The following RYR2 variants were observed in gnomAD, a reference collection of about 807,000 sequenced individuals.
The protein encoded by RYR2 is ryanodine receptor 2.
In RYR2, 227 loss-of-function variants were observed where a neutral mutation model predicts 601.1. The ratio of observed to expected loss-of-function variants is 0.38; its 90% CI spans 0.34 to 0.42. The LOEUF (loss-of-function observed/expected upper bound fraction) is 0.42. RYR2 is among the 10% of genes least tolerant of loss of function. The pLI, the probability that RYR2 is intolerant of heterozygous loss-of-function variation, is 1.00. For missense variants in RYR2, 4,646 were observed against 6,156.5 expected, an observed-to-expected ratio of 0.75 and a Z score of 8.21; for synonymous variants, 2,223 against 2,175.1, an observed-to-expected ratio of 1.02 and a Z score of -0.61.
At chr1:237,178,670 A>G (rs1440896276) in intron 1 of RYR2, among the ~76,000 whole-genome samples, 1 of 152,086 alleles carries the variant, frequency 6.6e-6, no homozygotes, top group East Asian at 1.9e-4. Context: ...TTATCTAGGC[A>G]TGGTGGCTTG....
chr1:237,107,255 C>CT (rs1668785083), intron 1 of RYR2, among the ~76,000 whole-genome samples: 1 of 151,990 alleles, frequency 6.6e-6, no homozygotes, highest in Non-Finnish European at 1.5e-5. Context: ...GGAGTTCTTG[C>CT]TTAATAGAAA....
chr1:237,160,411 T>A (rs1675874717), intron 1 of RYR2, among the ~76,000 whole-genome samples: 1 of 152,218 alleles, frequency 6.6e-6, no homozygotes, highest in Non-Finnish European at 1.5e-5. Flanking sequence ...TGATCAATAG[T>A]ATCAAGTGAT....
chr1:237,565,223 CTTT>C (rs1457814809), intron 27 of RYR2, among the ~76,000 whole-genome samples: 4 of 113,394 alleles, frequency 3.5e-5, no homozygotes, highest in Non-Finnish European at 7.2e-5. Flanking sequence ...TTCTTTCTTT[CTTT>C]TGTCTTTCTT....
chr1:237,790,060 G>C (rs1334295176), intron 92 of RYR2, among the ~76,000 whole-genome samples: 1 of 152,164 alleles, frequency 6.6e-6, no homozygotes, highest in Non-Finnish European at 1.5e-5. Context: ...TTTTGATGTA[G>C]CTTTATTATG....
intron 1 of RYR2, among the ~76,000 whole-genome samples, chr1:237,068,681 A>G (rs1186609461): frequency 6.6e-6 from 1 of 152,144 alleles, no homozygotes; most frequent in Non-Finnish European, 1.5e-5. Context: ...TTCCTCAAAA[A>G]AGTCTTTACT....
chr1:237,353,864 T>A (rs1029426462), intron 3 of RYR2, among the ~76,000 whole-genome samples: 12 of 152,196 alleles, frequency 7.9e-5, no homozygotes, highest in African/African-American at 2.9e-4. Context: ...GTCTTATATG[T>A]TTTATGGGTT....
chr1:237,072,310 G>T (rs1159396739), intron 1 of RYR2, among the ~76,000 whole-genome samples: 1 of 152,226 alleles, frequency 6.6e-6, no homozygotes, highest in Non-Finnish European at 1.5e-5. Context: ...ACTGAACCCG[G>T]CCTGTGCAGC....
chr1:237,148,079 G>A (rs939394046), intron 1 of RYR2, among the ~76,000 whole-genome samples: 2 of 152,106 alleles, frequency 1.3e-5, no homozygotes, highest in African/African-American at 2.4e-5. Context: ...ACCGCATGTC[G>A]TGTCACACAT....
Position 237,634,991 on chromosome 1 carries a change from A to C in RYR2, c.6791A>C (p.Lys2264Thr). Residue 2264 changes from lysine to threonine, a missense_variant and splice_region_variant, in exon 44 of 105, where the codon AAG becomes ACG. Lys to Thr is a moderately conservative substitution (Grantham distance 78, BLOSUM62 -1). Around this residue, in one of 17 missense-constraint regions of RYR2, gnomAD observed 137 missense variants for 273.6 expected, o/e 0.50. Transcript: ENST00000366574. ...ALALREPDLE[K>T]VVRYLAGCGL... ...GCTCTGCGTGAGCCGGATCTAGAAA[A>C]GGTGAGCAATGTTCCTGCCCTGTGT... The C allele has an allele frequency of 1.3e-6, 2 of 1,584,346 alleles. No individual in the cohort carries two copies. Among genetic ancestry groups the C allele is most frequent in the Non-Finnish European group, 1.7e-6 (2 of 1,163,124 alleles).
At chr1:237,666,061 C>G (rs1684302252) in intron 56 of RYR2, among the ~76,000 whole-genome samples, 1 of 152,114 alleles carries the variant, frequency 6.6e-6, no homozygotes, top group South Asian at 2.1e-4. Flanking sequence ...TTGCTGAATA[C>G]TATATGATAT....
chr1:237,570,883 C>A (rs1672613322), intron 29 of RYR2, among the ~76,000 whole-genome samples: 1 of 152,150 alleles, frequency 6.6e-6, no homozygotes, highest in Admixed American at 6.5e-5. Flanking sequence ...AATCCCAGCA[C>A]TTTGGGAAGC....
chr1:237,114,517 C>T (rs1214871331), intron 1 of RYR2, among the ~76,000 whole-genome samples: 1 of 152,162 alleles, frequency 6.6e-6, no homozygotes, highest in African/African-American at 2.4e-5. Context: ...CACTTTAGAG[C>T]TTGGACCCTG....
intron 1 of RYR2, 59 bp downstream of exon 1, chr1:237,042,628 C>T: frequency 8.0e-7 from 1 of 1,243,152 alleles, no homozygotes; most frequent in Non-Finnish European, 1.0e-6. Flanking sequence ...CATCCACTAG[C>T]GGGGTCCGGG....
At position 237,380,417 on chromosome 1, in the gene RYR2, TA is replaced by T. The variant is rs1701404002; in HGVS notation, c.576+2983del. ...ATATATATATATATATATATATATA[TA>T]TATAGTAAATACGAAGTCTGGTGAG... On this transcript the variant is annotated intron_variant, in intron 8 of 104. Coordinates refer to ENST00000366574, the MANE Select transcript of RYR2 (RefSeq NM_001035.3). 7.7e-4 allele frequency among the ~76,000 whole-genome samples: 37 copies of T among 48,342 alleles called. 2 individuals are homozygous for T. Among genetic ancestry groups the T allele is most frequent in the African/African-American group, 2.5e-3 (35 of 14,034 alleles). The allele number at this position is 48,342 out of a possible 152,430, so 31.7% of individuals were successfully genotyped here.
Position 237,149,287 on chromosome 1 carries a change from C to T in RYR2, c.48+106718C>T, listed in dbSNP as rs187074546. Among the ~76,000 whole-genome samples the T allele has an allele frequency of 4.2e-3, 632 of 150,444 alleles. 5 individuals carry two copies. The highest frequency in any genetic ancestry group is 0.025 in the South Asian group (118 of 4,754). ...TAGCCTGAGCAACATGCTGAGACCC[C>T]GTCTCTACAAAAAACAAACAAAAAC... On this transcript the variant is annotated intron_variant, in intron 1 of 104. Coordinates refer to ENST00000366574, the MANE Select transcript of RYR2 (RefSeq NM_001035.3).
At chr1:237,672,157 G>A (rs1048309691) in intron 58 of RYR2, among the ~76,000 whole-genome samples, 1 of 152,196 alleles carries the variant, frequency 6.6e-6, no homozygotes, top group African/African-American at 2.4e-5. Context: ...TCACCTGGCA[G>A]GCTTTCAGAT....
intron 3 of RYR2, among the ~76,000 whole-genome samples, chr1:237,344,189 T>A (rs1401316797): frequency 6.6e-6 from 1 of 152,204 alleles, no homozygotes; most frequent in African/African-American, 2.4e-5. Context: ...TATGTGCAGC[T>A]GGGTGAATCC....
At chr1:237,090,202 A>G (rs1376862416) in intron 1 of RYR2, among the ~76,000 whole-genome samples, 1 of 152,186 alleles carries the variant, frequency 6.6e-6, no homozygotes, top group African/African-American at 2.4e-5. Context: ...TATGGGAACT[A>G]CAATTCAAGG....
chr1:237,064,457 C>T (rs1265487455), intron 1 of RYR2, among the ~76,000 whole-genome samples: 1 of 152,014 alleles, frequency 6.6e-6, no homozygotes, highest in South Asian at 2.1e-4. Context: ...GTTTCTCTTT[C>T]CTTTTCTTCC....
Sources: gnomAD v4.1 joint callset for allele counts (sites outside exome capture counted in the v4.1 genomes callset) on GRCh38, gnomAD v4.1.1 for gene constraint, gnomAD v4.1.1 regional missense constraint, MANE v1.5 for transcripts, NCBI Gene and HGNC (gene_info 2026-07-23, HGNC 2026-07-21) for gene names.